ECHDC3: variants seen among roughly 807,000 people sequenced by gnomAD.
ECHDC3 encodes enoyl-CoA hydratase domain-containing protein 3, mitochondrial.
A neutral mutation model predicts 17.9 loss-of-function variants in ECHDC3; 20 were observed. The observed-to-expected ratio is 1.12, with a 90% CI of 0.79 to 1.63. The LOEUF (loss-of-function observed/expected upper bound fraction) is 1.63. Among genes scored for constraint, ECHDC3 ranks in the 40% most tolerant of loss-of-function variants. ECHDC3 has a pLI of 0.00. For synonymous variants in ECHDC3, 177 were observed against 149.7 expected (o/e 1.18, Z -1.33); for missense variants, 407 against 357.7 (o/e 1.14, Z -1.11).
At chr10:11,749,151 A>T (rs1832795426) in intron 2 of ECHDC3, among the ~76,000 whole-genome samples, 1 of 152,194 alleles carries the variant, frequency 6.6e-6, no homozygotes, top group South Asian at 2.1e-4. Context: ...GTGACTCAAT[A>T]CACTCAGGCC....
chr10:11,742,933 T>C, intron 1 of ECHDC3, 187 bp downstream of exon 1: 1 of 582,762 alleles, frequency 1.7e-6, no homozygotes, highest in Middle Eastern at 5.3e-4. Context: ...TCGGTGGGAC[T>C]GCCCGGGGCT....
intron 2 of ECHDC3, among the ~76,000 whole-genome samples, chr10:11,748,703 T>G (rs887224662): frequency 6.6e-6 from 1 of 152,134 alleles, no homozygotes; most frequent in African/African-American, 2.4e-5. Flanking sequence ...CTGGCCAACG[T>G]GGCAAAACCC....
chr10:11,743,471 C>T (rs1304290013), intron 1 of ECHDC3, among the ~76,000 whole-genome samples: 1 of 152,258 alleles, frequency 6.6e-6, no homozygotes, highest in Non-Finnish European at 1.5e-5. Flanking sequence ...CAGCCCGTGG[C>T]TTCAGCGTTT....
intron 2 of ECHDC3, among the ~76,000 whole-genome samples, chr10:11,748,967 C>T (rs1476519505): frequency 2.0e-5 from 3 of 152,206 alleles, no homozygotes; most frequent in Non-Finnish European, 1.5e-5. Context: ...TTGTTGATGA[C>T]AGCAGTGATA....
chr10:11,748,438 C>G (rs1236778417), intron 2 of ECHDC3, among the ~76,000 whole-genome samples: 2 of 152,128 alleles, frequency 1.3e-5, no homozygotes, highest in Non-Finnish European at 2.9e-5. Context: ...GTTGCCCAGG[C>G]TGGTCTCGAA....
chr10:11,743,195 C>A (rs75639887), intron 1 of ECHDC3, among the ~76,000 whole-genome samples: 10,357 of 152,288 alleles, frequency 0.068, 446 homozygotes, highest in East Asian at 0.22. Flanking sequence ...TGCTTGTACG[C>A]CAACTGGAAT....
intron 3 of ECHDC3, among the ~76,000 whole-genome samples, chr10:11,750,108 T>C (rs546773337): frequency 1.3e-5 from 2 of 152,250 alleles, no homozygotes; most frequent in East Asian, 3.9e-4. Flanking sequence ...GTTTAGACTT[T>C]TAAGAAGTGA....
intron 2 of ECHDC3, among the ~76,000 whole-genome samples, chr10:11,748,843 G>A (rs1832792868): frequency 6.6e-6 from 1 of 152,174 alleles, no homozygotes; most frequent in Non-Finnish European, 1.5e-5. Context: ...CCGAGATCGT[G>A]CCACTGCACT....
intron 4 of ECHDC3, among the ~76,000 whole-genome samples, chr10:11,760,558 G>T (rs531015091): frequency 6.6e-6 from 1 of 152,324 alleles, no homozygotes; most frequent in South Asian, 2.1e-4. Context: ...AGTGACAAAG[G>T]GATCGATAAG....
intron 4 of ECHDC3, among the ~76,000 whole-genome samples, chr10:11,758,257 T>C (rs972211855): frequency 6.6e-6 from 1 of 152,152 alleles, no homozygotes; most frequent in Non-Finnish European, 1.5e-5. Context: ...ATCTAAATAA[T>C]GCATCTTTCT....
chr10:11,756,817 C>T (rs1044701914), intron 4 of ECHDC3, among the ~76,000 whole-genome samples: 8 of 151,512 alleles, frequency 5.3e-5, no homozygotes, highest in African/African-American at 1.7e-4. Context: ...GGCGCTATCT[C>T]AGCTCACTGC....
chr10:11,747,879 G>T (rs1832779266), intron 2 of ECHDC3, among the ~76,000 whole-genome samples: 1 of 152,146 alleles, frequency 6.6e-6, no homozygotes, highest in Admixed American at 6.5e-5. Context: ...TGCCTTTAAT[G>T]GTGCTGGAAA....
chr10:11,743,275 G>A (rs956873387), intron 1 of ECHDC3, among the ~76,000 whole-genome samples: 11 of 152,228 alleles, frequency 7.2e-5, no homozygotes, highest in Non-Finnish European at 4.4e-5. Context: ...TTGCCTGGCC[G>A]GGGCAAGGGT....
chr10:11,755,950 T>G (rs1832882830), intron 4 of ECHDC3, among the ~76,000 whole-genome samples: 1 of 152,254 alleles, frequency 6.6e-6, no homozygotes, highest in African/African-American at 2.4e-5. Flanking sequence ...TGAAATGCAA[T>G]TGAGACTCAG....
chr10:11,753,273 C>G (rs942987280), intron 3 of ECHDC3, among the ~76,000 whole-genome samples: 1 of 152,080 alleles, frequency 6.6e-6, no homozygotes, highest in Non-Finnish European at 1.5e-5. Flanking sequence ...ATCCCAGGTA[C>G]TCGGGAGGCT....
In ECHDC3 at chr10:11,742,694, C is replaced by T; in HGVS notation, c.118C>T (p.Arg40Trp). The change falls in exon 1 of 5, where the codon CGG (arginine) becomes TGG (tryptophan). Residue 40 changes from arginine (R) to tryptophan (W), a missense_variant. By Grantham distance (101) the Arg-to-Trp change is moderately radical. Coordinates refer to ENST00000379215, the MANE Select transcript of ECHDC3 (RefSeq NM_024693.5). ...CAGCCGGGACCCGGCCGGGGCGGGG[C>T]GGCGGGAGTCGGAGCCGCGGCCCAC... ...FCSRDPAGAG[R>W]RESEPRPTSA... 1 of 1,242,412 alleles carries T rather than the reference C, an allele frequency of 8.0e-7. No individual in the cohort carries two copies. Among genetic ancestry groups the T allele is most frequent in the Non-Finnish European group, 1.0e-6 (1 of 994,346 alleles). 77.0% of individuals were successfully genotyped at this position (1,242,412 alleles called of 1,614,324 possible).
In ECHDC3 at chr10:11,742,418, G is replaced by C. The variant is rs1470679120; in HGVS notation, c.-159G>C. The C allele has an allele frequency of 5.9e-5, 38 of 649,318 alleles. No individual in the cohort carries two copies. Among genetic ancestry groups the C allele is most frequent in the African/African-American group, 4.0e-4 (21 of 52,274 alleles). The allele number at this position is 649,318 out of a possible 1,614,324, so 40.2% of individuals were successfully genotyped here. A position where few individuals can be genotyped will look rare whatever the true frequency, so the allele number is the denominator to read the frequency against. ...TGGGCCTGGCCTGGGGCGTCCCCGCGAAGCCTGGGCCTGTCAGGCGGTTCC... is the reference window on the plus strand; with the variant it reads ...TGGGCCTGGCCTGGGGCGTCCCCGCCAAGCCTGGGCCTGTCAGGCGGTTCC... On this transcript the variant is annotated 5_prime_UTR_variant, in exon 1 of 5. Transcript: ENST00000379215.
rs199630653 is a variant in ECHDC3 at position 11,763,335 on chromosome 10, C to A, written c.703C>A (p.Arg235=). 1 of 780,068 alleles carries A rather than the reference C, an allele frequency of 1.3e-6. No individual in the cohort carries two copies. Among genetic ancestry groups the A allele is most frequent in the South Asian group, 1.3e-5 (1 of 74,622 alleles). The allele number at this position is 780,068 out of a possible 1,614,324, so 48.3% of individuals were successfully genotyped here. ...PEAELQEETM[R]IARKIASLSR... ...GGCGGAGCTGCAGGAGGAGACCATG[C>A]GGATCGCTAGGAAGATCGCATCGCT... The change falls in exon 5 of 5, where the codon CGG becomes AGG. Residue 235 remains arginine, a synonymous_variant. Transcript: ENST00000379215. This position sits in a 1 kb window ranked among gnomAD's most constrained non-coding sequence, Gnocchi z 4.9.
intron 3 of ECHDC3, 160 bp from the exon 4 acceptor site, chr10:11,755,248 C>T: frequency 1.6e-6 from 1 of 613,110 alleles, no homozygotes; most frequent in Admixed American, 3.3e-5. Flanking sequence ...ATGGCTTGAA[C>T]TCGGGAGGAA....
Sources: gnomAD v4.1 joint callset for allele counts (sites outside exome capture counted in the v4.1 genomes callset) on GRCh38, gnomAD v4.1.1 for gene constraint, Gnocchi (gnomAD v3.1) non-coding constraint, MANE v1.5 for transcripts, NCBI Gene and HGNC (gene_info 2026-07-23, HGNC 2026-07-21) for gene names.